MED13L: variants seen among roughly 807,000 people sequenced by gnomAD.
The protein encoded by MED13L is mediator complex subunit 13L.
MED13L carries 7 observed loss-of-function variants against 220.9 expected under a neutral mutation model. The ratio of observed to expected loss-of-function variants is 0.03; its 90% CI spans 0.02 to 0.06. The LOEUF (loss-of-function observed/expected upper bound fraction) is 0.06. Ranked by LOEUF, MED13L falls within the 10% of genes least tolerant of loss-of-function variation. MED13L has a pLI of 1.00. For synonymous variants in MED13L, 1,011 were observed against 1,015.2 expected (o/e 1.00, Z 0.08); for missense variants, 1,965 against 2,760.5 (o/e 0.71, Z 6.46).
At chr12:116,018,624 A>G (rs1879872298) in intron 7 of MED13L, among the ~76,000 whole-genome samples, 1 of 152,232 alleles carries the variant, frequency 6.6e-6, no homozygotes, top group African/African-American at 2.4e-5. Context: ...TCAATAAAGA[A>G]GGCAAAAATG....
At chr12:116,028,254 TA>T (rs1335665542) in intron 4 of MED13L, among the ~76,000 whole-genome samples, 2 of 152,226 alleles carry the variant, frequency 1.3e-5, no homozygotes, top group African/African-American at 4.8e-5. Context: ...CAATTATAGA[TA>T]TGTTAGGGTA....
intron 4 of MED13L, among the ~76,000 whole-genome samples, chr12:116,086,949 T>G (rs951218549): frequency 1.3e-5 from 2 of 152,202 alleles, no homozygotes; most frequent in African/African-American, 2.4e-5. Context: ...ATGTCATTAT[T>G]TTAGGGGTAA....
chr12:116,001,441 C>T (rs1174774860), intron 14 of MED13L, among the ~76,000 whole-genome samples: 1 of 152,192 alleles, frequency 6.6e-6, no homozygotes, highest in South Asian at 2.1e-4. Context: ...AAGTAATCTG[C>T]TCACCTTGGG....
intron 1 of MED13L, among the ~76,000 whole-genome samples, chr12:116,275,183 A>G (rs1253685164): frequency 6.6e-6 from 1 of 152,038 alleles, no homozygotes; most frequent in Non-Finnish European, 1.5e-5. Flanking sequence ...TAACCACACA[A>G]AAACCATTTT....
intron 9 of MED13L, among the ~76,000 whole-genome samples, chr12:116,011,223 CTA>C (rs1443235257): frequency 6.6e-6 from 1 of 151,938 alleles, no homozygotes; most frequent in Non-Finnish European, 1.5e-5. Context: ...AAATACAAGA[CTA>C]TGTGAAAGTC....
intron 2 of MED13L, among the ~76,000 whole-genome samples, chr12:116,209,704 T>C (rs1324356595): frequency 6.6e-6 from 1 of 152,120 alleles, no homozygotes; most frequent in Non-Finnish European, 1.5e-5. Flanking sequence ...AGCCCAACCC[T>C]CTACCACAGT....
chr12:116,267,619 T>A (rs943402212), intron 1 of MED13L, among the ~76,000 whole-genome samples: 1 of 152,206 alleles, frequency 6.6e-6, no homozygotes, highest in African/African-American at 2.4e-5. Context: ...ATCATACTAG[T>A]AAAAATGTTT....
chr12:116,239,162 C>G (rs1342436247), intron 1 of MED13L, among the ~76,000 whole-genome samples: 1 of 152,024 alleles, frequency 6.6e-6, no homozygotes, highest in East Asian at 1.9e-4. Context: ...AAAGGTTTTG[C>G]TTCAAAAAAG....
At chr12:116,021,301 A>G (rs1189057343) in intron 5 of MED13L, among the ~76,000 whole-genome samples, 21 of 152,192 alleles carry the variant, frequency 1.4e-4, no homozygotes. Context: ...CTCTTCCCTC[A>G]TGACTACTTA....
intron 2 of MED13L, among the ~76,000 whole-genome samples, chr12:116,202,890 G>C (rs1882092347): frequency 6.6e-6 from 1 of 152,172 alleles, no homozygotes; most frequent in African/African-American, 2.4e-5. Flanking sequence ...AAAAATGTAA[G>C]AAAATCTGGC....
intron 2 of MED13L, among the ~76,000 whole-genome samples, chr12:116,225,839 G>GCC (rs1868928497): frequency 6.6e-6 from 1 of 152,024 alleles, no homozygotes; most frequent in African/African-American, 2.4e-5. Context: ...GTGTCAGAAA[G>GCC]TAAGCCTTCA....
At chr12:116,061,239 G>GT (rs1003763634) in intron 4 of MED13L, among the ~76,000 whole-genome samples, 5 of 151,714 alleles carry the variant, frequency 3.3e-5, no homozygotes, top group Admixed American at 2.6e-4. Flanking sequence ...AACATTAACT[G>GT]TTTTTTTTAA....
intron 4 of MED13L, among the ~76,000 whole-genome samples, chr12:116,076,778 G>A (rs1257489356): frequency 1.3e-5 from 2 of 152,048 alleles, no homozygotes; most frequent in African/African-American, 4.8e-5. Context: ...CTGTAGCCCT[G>A]GAATCACATA....
At chr12:115,989,433 TATACCCGTCAG>T (rs948719273) in intron 17 of MED13L, among the ~76,000 whole-genome samples, 5 of 151,976 alleles carry the variant, frequency 3.3e-5, no homozygotes, top group Non-Finnish European at 7.4e-5. Flanking sequence ...CTGCCTCACC[TATACCCGTCAG>T]AATGTAGCTA....
At chr12:115,994,494 C>T (rs920969945) in intron 16 of MED13L, among the ~76,000 whole-genome samples, 12 of 151,952 alleles carry the variant, frequency 7.9e-5, no homozygotes, top group African/African-American at 2.7e-4. Context: ...AAAACAAAAC[C>T]TTCATCACAT....
intron 26 of MED13L, 72 bp downstream of exon 26, chr12:115,972,006 C>A: frequency 6.6e-7 from 1 of 1,515,568 alleles, no homozygotes; most frequent in Non-Finnish European, 9.1e-7. Flanking sequence ...CTACCCTTGT[C>A]TGCGGACTTA....
chr12:116,180,440 T>A (rs543942678), intron 2 of MED13L, among the ~76,000 whole-genome samples: 1 of 152,314 alleles, frequency 6.6e-6, no homozygotes, highest in Admixed American at 6.5e-5. Flanking sequence ...GTATAAGGTG[T>A]ATATGAAACA....
chr12:116,205,148 C>T (rs969580616), intron 2 of MED13L, among the ~76,000 whole-genome samples: 1 of 152,122 alleles, frequency 6.6e-6, no homozygotes, highest in African/African-American at 2.4e-5. Context: ...TGAACAAAAA[C>T]GGTGCCTATT....
At chr12:116,070,509 A>G (rs1279559066) in intron 4 of MED13L, among the ~76,000 whole-genome samples, 4 of 152,206 alleles carry the variant, frequency 2.6e-5, no homozygotes, top group African/African-American at 9.7e-5. Flanking sequence ...TTACTTCTCT[A>G]AGGTACAAAG....
Sources: allele counts gnomAD v4.1 joint callset (sites outside exome capture counted in the v4.1 genomes callset), GRCh38; gene constraint gnomAD v4.1.1; transcripts MANE v1.5; gene names NCBI Gene and HGNC (gene_info 2026-07-23, HGNC 2026-07-21).